The following RAMP1 variants were observed in gnomAD, a reference collection of about 807,000 sequenced individuals.
RAMP1 encodes the protein receptor activity modifying protein 1.
A neutral mutation model predicts 8.2 loss-of-function variants in RAMP1; 7 were observed. That is an observed-to-expected ratio of 0.85 (90% CI 0.49 to 1.60). The LOEUF is 1.60. RAMP1 is among the 40% of genes most tolerant of loss of function. The probability of loss-of-function intolerance (pLI) is 0.00; values close to 1 mark genes in which losing one functional copy is unlikely to be tolerated. For missense variants in RAMP1, 192 were observed against 202.4 expected (o/e 0.95, Z 0.31); for synonymous variants, 92 against 84.7 (o/e 1.09, Z -0.47).
At chr2:237,873,089 G>A (rs2062262924) in intron 1 of RAMP1, among the ~76,000 whole-genome samples, 1 of 152,244 alleles carries the variant, frequency 6.6e-6, no homozygotes, top group South Asian at 2.1e-4. Flanking sequence ...CCTGTGAGCT[G>A]CAGCTACTAG....
At position 237,865,548 on chromosome 2, in the gene RAMP1, G is replaced by A. The variant is rs1251919602; in HGVS notation, c.52+5821G>A. ...TTCGCAGGGCCTCCTGTCATTTGCT[G>A]CACCTGGCAGCCCCGTCCTCAGCAG... On this transcript the variant is annotated intron_variant, in intron 1 of 2. Transcript: ENST00000254661. This position sits in a 1 kb window ranked among gnomAD's most constrained non-coding sequence, Gnocchi z 4.2. Among the ~76,000 whole-genome samples, 1 of 152,208 alleles carries A rather than the reference G, an allele frequency of 6.6e-6. No individual in the cohort carries two copies. Among genetic ancestry groups the A allele is most frequent in the African/African-American group, 2.4e-5 (1 of 41,446 alleles).
At chr2:237,885,346 G>A (rs2062417347) in intron 2 of RAMP1, among the ~76,000 whole-genome samples, 1 of 152,080 alleles carries the variant, frequency 6.6e-6, no homozygotes, top group African/African-American at 2.4e-5. Flanking sequence ...GCCCCTGCCC[G>A]GAGGCCTGGC....
chr2:237,864,580 G>A (rs530361444), intron 1 of RAMP1, among the ~76,000 whole-genome samples: 4 of 152,140 alleles, frequency 2.6e-5, no homozygotes, highest in Non-Finnish European at 5.9e-5. Flanking sequence ...GGACACACAG[G>A]GTCAGGACTC....
chr2:237,863,232 C>A (rs2062149006), intron 1 of RAMP1, among the ~76,000 whole-genome samples: 1 of 152,258 alleles, frequency 6.6e-6, no homozygotes, highest in Admixed American at 6.5e-5. Flanking sequence ...GCCCTGGTGG[C>A]TCCAGCACTT....
At chr2:237,906,236 G>T (rs1351356873) in intron 2 of RAMP1, among the ~76,000 whole-genome samples, 5 of 151,962 alleles carry the variant, frequency 3.3e-5, no homozygotes, top group Non-Finnish European at 7.4e-5. Flanking sequence ...TGTTCACCTG[G>T]AGAGACCACA....
chr2:237,892,981 G>T (rs755263512), intron 2 of RAMP1, among the ~76,000 whole-genome samples: 1 of 152,156 alleles, frequency 6.6e-6, no homozygotes, highest in East Asian at 1.9e-4. Context: ...TAATTCAAGC[G>T]TGTCTTATTT....
intron 2 of RAMP1, among the ~76,000 whole-genome samples, chr2:237,908,410 C>CTGGTGGTGGTAGTGGTGGTGGTGG (rs570662154): frequency 2.2e-4 from 33 of 149,126 alleles, no homozygotes; most frequent in Admixed American, 1.2e-3. Context: ...GAAGAGACCT[C>CTGGTGGTGGTAGTGGTGGTGGTGG]TGGTGGTGGT....
rs1393209533 is a variant in RAMP1, at chr2:237,865,655, AAG to A, written c.52+5931_52+5932del. Among the ~76,000 whole-genome samples the A allele has an allele frequency of 1.3e-5, 2 of 152,158 alleles. No homozygotes were observed. Among genetic ancestry groups the A allele is most frequent in the Non-Finnish European group, 2.9e-5 (2 of 68,018 alleles). On this transcript the variant is annotated intron_variant, in intron 1 of 2. Transcript: ENST00000254661. The surrounding 1 kb of genome is among the most constrained non-coding windows in gnomAD (Gnocchi z 4.2). ...AGTCTATGCAAATCAAGGGTTCAGAAAGAGGTATGGCCAAGAGAGGTGTTTCT... is the reference window on the plus strand; with the variant it reads ...AGTCTATGCAAATCAAGGGTTCAGAAAGGTATGGCCAAGAGAGGTGTTTCT...
chr2:237,863,863 T>C (rs2062155842), intron 1 of RAMP1, among the ~76,000 whole-genome samples: 1 of 151,586 alleles, frequency 6.6e-6, no homozygotes, highest in Admixed American at 6.6e-5. Context: ...AGAACCAGAA[T>C]CCCAAAACCC....
intron 2 of RAMP1, among the ~76,000 whole-genome samples, chr2:237,910,986 C>G (rs1187722125): frequency 6.6e-6 from 1 of 152,030 alleles, no homozygotes; most frequent in African/African-American, 2.4e-5. Flanking sequence ...GTCACATACA[C>G]AGTCACACAG....
rs545341250 is a variant in RAMP1, at chr2:237,879,266, G to A, written c.191+1904G>A. 3.0e-3 allele frequency among the ~76,000 whole-genome samples: 462 copies of A among 152,144 alleles called. 2 individuals carry two copies. Among genetic ancestry groups the A allele is most frequent in the African/African-American group, 0.011 (443 of 41,510 alleles). On this transcript the variant is annotated intron_variant, in intron 2 of 2. Coordinates refer to ENST00000254661, the MANE Select transcript of RAMP1 (RefSeq NM_005855.4). ...ATTTGTGTAGATTGATTGTGAACGG[G>A]AGGCCTGGCAGAAGACAGCAGGGTA...
At chr2:237,883,970 C>A in intron 2 of RAMP1, among the ~76,000 whole-genome samples, 1 of 143,710 alleles carries the variant, frequency 7.0e-6, no homozygotes, top group South Asian at 2.2e-4. Context: ...TGCGCTTGCC[C>A]TGGGACCTTG....
intron 2 of RAMP1, among the ~76,000 whole-genome samples, chr2:237,890,856 C>G (rs1352897619): frequency 6.6e-6 from 1 of 152,110 alleles, no homozygotes; most frequent in Non-Finnish European, 1.5e-5. Context: ...ACTGAGAGGC[C>G]ACTGTTTAAT....
At chr2:237,864,224 G>C (rs1015391818) in intron 1 of RAMP1, among the ~76,000 whole-genome samples, 46 of 152,246 alleles carry the variant, frequency 3.0e-4, no homozygotes, top group African/African-American at 1.1e-3. Flanking sequence ...CTGTTCTCCC[G>C]GACCACGTAT....
chr2:237,871,095 C>T (rs2062239938), intron 1 of RAMP1, among the ~76,000 whole-genome samples: 2 of 152,206 alleles, frequency 1.3e-5, no homozygotes, highest in African/African-American at 4.8e-5. Flanking sequence ...GCCCACGGCC[C>T]CGAGGACCTT....
At chr2:237,866,790 G>A (rs939743150) in intron 1 of RAMP1, among the ~76,000 whole-genome samples, 1 of 150,952 alleles carries the variant, frequency 6.6e-6, no homozygotes, top group Non-Finnish European at 1.5e-5. Flanking sequence ...GTACAGTGGT[G>A]CGATCTTGGC....
In RAMP1 at chr2:237,877,133, G is replaced by C; in HGVS notation, c.53-91G>C. The C allele has an allele frequency of 1.3e-6, 2 of 1,558,710 alleles. No homozygotes were observed. Among genetic ancestry groups the C allele is most frequent in the Non-Finnish European group, 1.8e-6 (2 of 1,141,038 alleles). On this transcript the variant is annotated intron_variant, in intron 1 of 2. Coordinates refer to ENST00000254661, the MANE Select transcript of RAMP1 (RefSeq NM_005855.4). This position sits in a 1 kb window ranked among gnomAD's most constrained non-coding sequence, Gnocchi z 4.4. ...GTTGCTTAGAGGCCCCGTTCTCGTG[G>C]AGTCCGGGCTGCAGGGGCGCGCGGG...
chr2:237,879,771 A>T (rs561359835), intron 2 of RAMP1, among the ~76,000 whole-genome samples: 2 of 149,384 alleles, frequency 1.3e-5, no homozygotes, highest in Non-Finnish European at 3.0e-5. Flanking sequence ...GGGTGGATCA[A>T]CTGAGGTCAG....
At chr2:237,905,925 C>T (rs1333070421) in intron 2 of RAMP1, among the ~76,000 whole-genome samples, 3 of 150,536 alleles carry the variant, frequency 2.0e-5, no homozygotes, top group African/African-American at 7.3e-5. Flanking sequence ...GCAGGAGAAT[C>T]GCTTGAACCT....
Sources: allele counts gnomAD v4.1 joint callset (sites outside exome capture counted in the v4.1 genomes callset), GRCh38; gene constraint gnomAD v4.1.1; non-coding constraint Gnocchi (gnomAD v3.1); transcripts MANE v1.5; gene names NCBI Gene and HGNC (gene_info 2026-07-23, HGNC 2026-07-21).